The following NR1H4 variants were observed in gnomAD, a reference collection of about 807,000 sequenced individuals.
NR1H4 encodes nuclear receptor subfamily 1 group H member 4.
NR1H4 carries 23 observed loss-of-function variants against 58.5 expected under a neutral mutation model. The observed-to-expected ratio is 0.39, with a 90% CI of 0.28 to 0.56. The LOEUF (loss-of-function observed/expected upper bound fraction) is 0.56, where lower values mean the gene tolerates loss of function less well. NR1H4 is among the 20% of genes least tolerant of loss of function. The pLI, the probability that NR1H4 is intolerant of heterozygous loss-of-function variation, is 0.58. For synonymous variants in NR1H4, 214 were observed against 198.0 expected (o/e 1.08, Z -0.68); for missense variants, 487 against 576.9 (o/e 0.84, Z 1.60).
chr12:100,486,109 C>G (rs993004898), intron 1 of NR1H4, among the ~76,000 whole-genome samples: 2 of 152,088 alleles, frequency 1.3e-5, no homozygotes, highest in African/African-American at 4.8e-5. Flanking sequence ...AGGGGAGTGT[C>G]TGGGTGGTAG....
chr12:100,562,881 C>T (rs780900986), intron 10 of NR1H4, among the ~76,000 whole-genome samples: 24 of 152,172 alleles, frequency 1.6e-4, no homozygotes, highest in Non-Finnish European at 2.6e-4. Flanking sequence ...AAAATTATGA[C>T]TTGTGACTAA....
chr12:100,509,893 C>A (rs1954061833), intron 3 of NR1H4, among the ~76,000 whole-genome samples: 1 of 151,502 alleles, frequency 6.6e-6, no homozygotes, highest in African/African-American at 2.4e-5. Flanking sequence ...AGAAATTTGT[C>A]TTTGCACGTG....
chr12:100,521,105 C>G (rs112472008), intron 4 of NR1H4, among the ~76,000 whole-genome samples: 3,109 of 150,730 alleles, frequency 0.021, 105 homozygotes, highest in African/African-American at 0.072. Context: ...TTAAAACAAA[C>G]AAAGAAAACA....
Position 100,526,657 on chromosome 12 carries a change from G to A in NR1H4, c.446-5801G>A, listed in dbSNP as rs368159409. Among the ~76,000 whole-genome samples, 100 of 152,260 alleles carry A rather than the reference G, an allele frequency of 6.6e-4. No individual in the cohort carries two copies. The South Asian group carries it at 0.011, about 16-fold the overall frequency. ...AACAACTCAGCCACAGTCCAGCATGGACATCTTACCCCAGGGTTTTCAAGG... is the reference window on the plus strand; with the variant it reads ...AACAACTCAGCCACAGTCCAGCATGAACATCTTACCCCAGGGTTTTCAAGG... On this transcript the variant is annotated intron_variant, in intron 4 of 10. Coordinates refer to ENST00000392986, the MANE Select transcript of NR1H4 (RefSeq NM_001206979.2).
intron 4 of NR1H4, among the ~76,000 whole-genome samples, chr12:100,531,817 G>T (rs1954700919): frequency 3.9e-5 from 6 of 152,130 alleles, no homozygotes; most frequent in Admixed American, 3.9e-4. Context: ...GGGGGAGATG[G>T]TTGCTTTTAG....
intron 9 of NR1H4, among the ~76,000 whole-genome samples, chr12:100,549,711 AT>A (rs1287833984): frequency 6.6e-6 from 1 of 152,188 alleles, no homozygotes; most frequent in Non-Finnish European, 1.5e-5. Flanking sequence ...TTTCTAGTTT[AT>A]AATAAGATAC....
At chr12:100,547,288 C>G (rs548231746) in intron 9 of NR1H4, among the ~76,000 whole-genome samples, 1 of 152,250 alleles carries the variant, frequency 6.6e-6, no homozygotes, top group Admixed American at 6.5e-5. Context: ...GAGATTGTCA[C>G]AAGAAACAAA....
In NR1H4 at chr12:100,528,400, T is replaced by C. The variant is rs1954614103; in HGVS notation, c.446-4058T>C. ...AAAAAAAAAAGAGGCAGAAAAGCAG[T>C]GTGCAATATTCTGCAGAATCGAGGA... On this transcript the variant is annotated intron_variant, in intron 4 of 10. Transcript: ENST00000392986. Among the ~76,000 whole-genome samples the C allele has an allele frequency of 2.7e-5, 4 of 150,622 alleles. No homozygotes were observed. The South Asian group carries it at 8.4e-4, about 31-fold the overall frequency.
chr12:100,551,818 C>T (rs1280966004), intron 9 of NR1H4, among the ~76,000 whole-genome samples: 1 of 152,142 alleles, frequency 6.6e-6, no homozygotes, highest in Non-Finnish European at 1.5e-5. Context: ...GCTCAAGTCC[C>T]TGATATAAAA....
intron 3 of NR1H4, among the ~76,000 whole-genome samples, chr12:100,493,796 A>G (rs1400557653): frequency 6.6e-6 from 1 of 152,224 alleles, no homozygotes; most frequent in Non-Finnish European, 1.5e-5. Flanking sequence ...CTTAGGTTAT[A>G]GCTGGGCAGA....
At chr12:100,513,849 G>GAAGGAAGA (rs1434368253) in intron 4 of NR1H4, among the ~76,000 whole-genome samples, 1 of 139,796 alleles carries the variant, frequency 7.2e-6, no homozygotes, top group African/African-American at 2.6e-5. Context: ...AGGAAGGAAG[G>GAAGGAAGA]AAGGAAGGAA....
At position 100,540,808 on chromosome 12, in the gene NR1H4, T is replaced by G; in HGVS notation, c.1068T>G (p.Ile356Met). The G allele has an allele frequency of 6.2e-7, 1 of 1,614,118 alleles. No homozygotes were observed. Reference sequence around the variant, plus strand: ...ATTCTGACCTATTGGAAGAAAGAATTCGAAATAGTGGTAAGTGATTTGGCT... The same window carrying G: ...ATTCTGACCTATTGGAAGAAAGAATGCGAAATAGTGGTAAGTGATTTGGCT... ...SGHSDLLEERIRNSGISDEYI... is the reference protein window; with the variant it reads ...SGHSDLLEERMRNSGISDEYI... The change falls in exon 9 of 11, where the codon ATT becomes ATG. Residue 356 changes from isoleucine (I) to methionine (M), a missense_variant. Coordinates refer to ENST00000392986, the MANE Select transcript of NR1H4 (RefSeq NM_001206979.2).
At chr12:100,484,294 A>G (rs1953444269) in intron 1 of NR1H4, among the ~76,000 whole-genome samples, 1 of 152,152 alleles carries the variant, frequency 6.6e-6, no homozygotes, top group South Asian at 2.1e-4. Context: ...TAATTGCAGC[A>G]GTGTCTTTCC....
chr12:100,494,804 C>T (rs893944889), intron 3 of NR1H4, among the ~76,000 whole-genome samples: 1 of 152,164 alleles, frequency 6.6e-6, no homozygotes, highest in Admixed American at 6.5e-5. Flanking sequence ...TTGGCACATA[C>T]CACAGATAAA....
At chr12:100,477,428 T>C (rs927569914) in intron 1 of NR1H4, among the ~76,000 whole-genome samples, 1 of 152,134 alleles carries the variant, frequency 6.6e-6, no homozygotes, top group Non-Finnish European at 1.5e-5. Context: ...TTGCTTCCCA[T>C]TTTAAAGAGA....
chr12:100,524,475 C>T (rs755300083), intron 4 of NR1H4, among the ~76,000 whole-genome samples: 3 of 152,126 alleles, frequency 2.0e-5, no homozygotes, highest in Non-Finnish European at 2.9e-5. Flanking sequence ...TAAATGGTCA[C>T]TGAAGGTATC....
At chr12:100,558,204 CA>C (rs569114964) in intron 9 of NR1H4, among the ~76,000 whole-genome samples, 30,956 of 84,814 alleles carry the variant, frequency 0.36, 3,895 homozygotes, top group African/African-American at 0.48. Flanking sequence ...ACTAAAAATA[CA>C]AAAAAAAAAA....
intron 1 of NR1H4, among the ~76,000 whole-genome samples, chr12:100,476,783 C>T (rs73378047): frequency 0.049 from 7,401 of 152,104 alleles, 579 homozygotes; most frequent in African/African-American, 0.17. Flanking sequence ...GCAGCTCGGG[C>T]GGCTGAGGTG....
At chr12:100,496,413 A>G (rs1430288404) in intron 3 of NR1H4, among the ~76,000 whole-genome samples, 2 of 152,128 alleles carry the variant, frequency 1.3e-5, no homozygotes, top group Non-Finnish European at 2.9e-5. Context: ...AAGAAGCCAG[A>G]GAGAACATTC....
Sources: gnomAD v4.1 joint callset for allele counts (sites outside exome capture counted in the v4.1 genomes callset) on GRCh38, gnomAD v4.1.1 for gene constraint, MANE v1.5 for transcripts, NCBI Gene and HGNC (gene_info 2026-07-23, HGNC 2026-07-21) for gene names.